The following NALF1 variants were observed in gnomAD, a reference collection of about 807,000 sequenced individuals.
NALF1 encodes NALCN channel auxiliary factor 1.
Under a neutral mutation model 48.4 loss-of-function variants are expected in NALF1, and 3 were observed. The observed-to-expected ratio is 0.06, with a 90% CI of 0.03 to 0.16. NALF1 has a LOEUF of 0.16. Among genes scored for constraint, NALF1 ranks in the 10% least tolerant of loss-of-function variants. NALF1 has a pLI of 1.00. For missense variants in NALF1, 526 were observed against 571.5 expected, an observed-to-expected ratio of 0.92 and a Z score of 0.81; for synonymous variants, 262 against 245.7, an observed-to-expected ratio of 1.07 and a Z score of -0.62.
intron 1 of NALF1, among the ~76,000 whole-genome samples, chr13:107,501,052 T>G (rs141423325): frequency 0.039 from 5,866 of 151,842 alleles, 397 homozygotes; most frequent in African/African-American, 0.13. Flanking sequence ...TGTATACATA[T>G]GTAACTAACC....
intron 1 of NALF1, among the ~76,000 whole-genome samples, chr13:107,676,531 C>T (rs1346331433): frequency 6.6e-6 from 1 of 151,192 alleles, no homozygotes; most frequent in African/African-American, 2.5e-5. Context: ...AGACATAGCC[C>T]TTTGTCATAC....
chr13:107,243,255 A>T (rs1316758002), intron 1 of NALF1, among the ~76,000 whole-genome samples: 2 of 152,138 alleles, frequency 1.3e-5, no homozygotes, highest in Non-Finnish European at 2.9e-5. Flanking sequence ...TGCATCTTAC[A>T]TATTTTATGT....
At chr13:107,439,309 A>C (rs369854972) in intron 1 of NALF1, among the ~76,000 whole-genome samples, 159 of 152,296 alleles carry the variant, frequency 1.0e-3, no homozygotes, top group African/African-American at 3.7e-3. Context: ...ATACAAATCA[A>C]TTTCCTGGAA....
At chr13:107,262,743 C>T (rs1325596849) in intron 1 of NALF1, among the ~76,000 whole-genome samples, 1 of 145,676 alleles carries the variant, frequency 6.9e-6, no homozygotes, top group East Asian at 2.1e-4. Context: ...CCCATGGAAC[C>T]ATATTAAGTT....
intron 1 of NALF1, among the ~76,000 whole-genome samples, chr13:107,577,209 C>T (rs1878180457): frequency 6.6e-6 from 1 of 152,144 alleles, no homozygotes; most frequent in South Asian, 2.1e-4. Context: ...AAAATTTCAT[C>T]ATTCTCATCT....
At chr13:107,575,039 C>A (rs959716361) in intron 1 of NALF1, among the ~76,000 whole-genome samples, 1 of 151,950 alleles carries the variant, frequency 6.6e-6, no homozygotes, top group African/African-American at 2.4e-5. Flanking sequence ...GCTTAGGAAG[C>A]GAGTCTAACT....
At chr13:107,269,423 A>C (rs566412941) in intron 1 of NALF1, among the ~76,000 whole-genome samples, 1 of 152,148 alleles carries the variant, frequency 6.6e-6, no homozygotes, top group Non-Finnish European at 1.5e-5. Flanking sequence ...CACCTGAAAA[A>C]AAGTCAGGGG....
chr13:107,570,173 A>G (rs1877943776), intron 1 of NALF1, among the ~76,000 whole-genome samples: 1 of 146,080 alleles, frequency 6.8e-6, no homozygotes, highest in Non-Finnish European at 1.6e-5. Flanking sequence ...TTTCCAATGT[A>G]TATGCTTTTT....
intron 1 of NALF1, among the ~76,000 whole-genome samples, chr13:107,439,009 A>C (rs1024573773): frequency 2.0e-5 from 3 of 151,924 alleles, no homozygotes; most frequent in Non-Finnish European, 2.9e-5. Context: ...CATGTATTAG[A>C]AATAAAAGTT....
intron 2 of NALF1, among the ~76,000 whole-genome samples, chr13:107,174,447 C>G (rs1878873810): frequency 6.6e-6 from 1 of 151,836 alleles, no homozygotes; most frequent in Admixed American, 6.6e-5. Flanking sequence ...GCTCTGCCTC[C>G]CGGGTTCAAG....
At position 107,814,253 on chromosome 13, in the gene NALF1, G is replaced by C. The variant is rs376125921; in HGVS notation, c.915+51429C>G. 3.9e-5 allele frequency among the ~76,000 whole-genome samples: 6 copies of C among 152,240 alleles called. No individual in the cohort carries two copies. The East Asian group carries it at 1.2e-3, about 29-fold the overall frequency. ...ATTGTCAACTCTCAGTCAAAGGTAAGAAGAGGTATTTTTAGACAATACCCC... is the reference window on the plus strand; with the variant it reads ...ATTGTCAACTCTCAGTCAAAGGTAACAAGAGGTATTTTTAGACAATACCCC... On this transcript the variant is annotated intron_variant, in intron 1 of 2. Coordinates refer to ENST00000375915, the MANE Select transcript of NALF1 (RefSeq NM_001080396.3).
chr13:107,740,363 G>A (rs1369448720), intron 1 of NALF1, among the ~76,000 whole-genome samples: 3 of 152,150 alleles, frequency 2.0e-5, no homozygotes, highest in African/African-American at 4.8e-5. Flanking sequence ...GATACAGTCT[G>A]TGAGGCATCT....
At chr13:107,750,822 G>C (rs750239491) in intron 1 of NALF1, among the ~76,000 whole-genome samples, 1 of 152,162 alleles carries the variant, frequency 6.6e-6, no homozygotes, top group Non-Finnish European at 1.5e-5. Context: ...TGAAATAACT[G>C]AATGTTTCAT....
intron 1 of NALF1, among the ~76,000 whole-genome samples, chr13:107,750,472 T>C (rs1876907222): frequency 6.6e-6 from 1 of 152,158 alleles, no homozygotes. Flanking sequence ...TCTGGATGTG[T>C]TTTGGAATGA....
chr13:107,289,978 G>A (rs1246863780), intron 1 of NALF1, among the ~76,000 whole-genome samples: 2 of 152,120 alleles, frequency 1.3e-5, no homozygotes, highest in Admixed American at 6.5e-5. Flanking sequence ...GGAACTTTCA[G>A]GAGAACAAGG....
At chr13:107,824,203 T>A (rs185488209) in intron 1 of NALF1, among the ~76,000 whole-genome samples, 1 of 152,250 alleles carries the variant, frequency 6.6e-6, no homozygotes. Flanking sequence ...AATTGTCTGA[T>A]TGTTAATATA....
intron 1 of NALF1, among the ~76,000 whole-genome samples, chr13:107,587,332 A>G (rs375407645): frequency 6.6e-6 from 1 of 152,154 alleles, no homozygotes; most frequent in Admixed American, 6.6e-5. Context: ...AATCATAAAC[A>G]GTCTCTTCGG....
At chr13:107,631,998 C>T (rs1291034719) in intron 1 of NALF1, among the ~76,000 whole-genome samples, 1 of 152,056 alleles carries the variant, frequency 6.6e-6, no homozygotes, top group East Asian at 1.9e-4. Flanking sequence ...ATGTTTTCAT[C>T]CTCCACATGT....
intron 1 of NALF1, among the ~76,000 whole-genome samples, chr13:107,777,222 A>G (rs1295009879): frequency 1.3e-5 from 2 of 152,156 alleles, no homozygotes; most frequent in African/African-American, 4.8e-5. Context: ...TTATTATTGT[A>G]CCTATTTTAT....
Sources: allele counts gnomAD v4.1 joint callset (sites outside exome capture counted in the v4.1 genomes callset), GRCh38; gene constraint gnomAD v4.1.1; transcripts MANE v1.5; gene names NCBI Gene and HGNC (gene_info 2026-07-23, HGNC 2026-07-21).